Variants in TAFA1 observed in about 807,000 individuals in gnomAD.
TAFA1 encodes the protein TAFA chemokine like family member 1, also known as chemokine-like protein TAFA-1.
Under a neutral mutation model 18.5 loss-of-function variants are expected in TAFA1, and 4 were observed. The observed-to-expected ratio is 0.22, with a 90% confidence interval of 0.11 to 0.49. The LOEUF (loss-of-function observed/expected upper bound fraction) is 0.49. TAFA1 is among the 20% of genes least tolerant of loss of function. The pLI, the probability that TAFA1 is intolerant of heterozygous loss-of-function variation, is 0.98. For missense variants in TAFA1, 147 were observed against 169.0 expected (o/e 0.87, Z 0.72); for synonymous variants, 56 against 55.2 (o/e 1.01, Z -0.06).
intron 2 of TAFA1, among the ~76,000 whole-genome samples, chr3:68,192,001 T>C (rs1191245712): frequency 1.3e-5 from 2 of 151,824 alleles, no homozygotes; most frequent in Non-Finnish European, 2.9e-5. Flanking sequence ...TCTATATTCT[T>C]GGTTTATCTG....
At chr3:68,534,007 C>T (rs6768223) in intron 3 of TAFA1, among the ~76,000 whole-genome samples, 32,251 of 151,960 alleles carry the variant, frequency 0.21, 3,663 homozygotes, top group East Asian at 0.38. Flanking sequence ...GTGAAGAAAA[C>T]TAAAATATTT....
rs186847075 is a variant in TAFA1 at position 68,129,795 on chromosome 3, C to G, written c.118+123051C>G. Among the ~76,000 whole-genome samples, 767 of 152,270 alleles carry G rather than the reference C, an allele frequency of 5.0e-3. 6 individuals are homozygous for G. Among genetic ancestry groups the G allele is most frequent in the Non-Finnish European group, 8.9e-3 (606 of 68,018 alleles). On this transcript the variant is annotated intron_variant, in intron 2 of 4. Transcript: ENST00000478136. ...TTGACATACTGGGTTCCATGGGAAT[C>G]GTAACCACATGGCCTGAAAGAAAAA...
chr3:68,416,389 C>T (rs536530305), intron 2 of TAFA1, among the ~76,000 whole-genome samples: 1 of 152,310 alleles, frequency 6.6e-6, no homozygotes, highest in Admixed American at 6.5e-5. Context: ...TTTTTGCCAA[C>T]TGCATCCTAA....
chr3:68,183,036 G>T (rs1416582667), intron 2 of TAFA1, among the ~76,000 whole-genome samples: 1 of 152,132 alleles, frequency 6.6e-6, no homozygotes, highest in Non-Finnish European at 1.5e-5. Flanking sequence ...TATCCTATCA[G>T]AAAATTCTTG....
Position 68,325,681 on chromosome 3 carries a change from G to A in TAFA1, c.119-91599G>A, listed in dbSNP as rs549076614. On this transcript the variant is annotated intron_variant, in intron 2 of 4. Coordinates refer to ENST00000478136, the MANE Select transcript of TAFA1 (RefSeq NM_213609.4). ...CAAACTAGAAAATTCCCCTCTAGGA[G>A]CTGAAATGACTGTGGGCTTTGAGGT... Among the ~76,000 whole-genome samples the A allele has an allele frequency of 4.6e-5, 7 of 152,244 alleles. No individual in the cohort carries two copies. The South Asian group carries it at 1.2e-3, about 27-fold the overall frequency.
At chr3:68,067,179 G>C (rs1291984721) in intron 2 of TAFA1, among the ~76,000 whole-genome samples, 2 of 152,118 alleles carry the variant, frequency 1.3e-5, no homozygotes, top group Admixed American at 1.3e-4. Context: ...CTACTTCCTT[G>C]TGACATCTAC....
At chr3:68,286,819 G>A (rs1362742034) in intron 2 of TAFA1, among the ~76,000 whole-genome samples, 3 of 152,150 alleles carry the variant, frequency 2.0e-5, no homozygotes, top group Admixed American at 6.5e-5. Context: ...GAGAAAACCC[G>A]TACGGGAAAT....
At chr3:68,312,664 AT>A (rs2068540122) in intron 2 of TAFA1, among the ~76,000 whole-genome samples, 2 of 152,196 alleles carry the variant, frequency 1.3e-5, no homozygotes, top group African/African-American at 4.8e-5. Flanking sequence ...GGGAAAAGCC[AT>A]TCAGCAAGTC....
At chr3:68,530,289 A>G (rs992854868) in intron 3 of TAFA1, among the ~76,000 whole-genome samples, 4 of 152,230 alleles carry the variant, frequency 2.6e-5, no homozygotes, top group African/African-American at 9.6e-5. Context: ...TCATGAGTGA[A>G]CAACAACCAT....
At chr3:68,090,577 T>C (rs2065018561) in intron 2 of TAFA1, among the ~76,000 whole-genome samples, 1 of 152,202 alleles carries the variant, frequency 6.6e-6, no homozygotes, top group Non-Finnish European at 1.5e-5. Flanking sequence ...TGGTGGTGTT[T>C]TGTGCCTCTC....
At chr3:68,024,803 A>G (rs775118353) in intron 2 of TAFA1, among the ~76,000 whole-genome samples, 17 of 103,736 alleles carry the variant, frequency 1.6e-4, no homozygotes, top group Non-Finnish European at 2.6e-4. Flanking sequence ...CATCTCCTTA[A>G]TGCACACACA....
intron 2 of TAFA1, among the ~76,000 whole-genome samples, chr3:68,151,178 T>C (rs954812217): frequency 6.6e-6 from 1 of 152,150 alleles, no homozygotes; most frequent in African/African-American, 2.4e-5. Flanking sequence ...CTCCTTTGTA[T>C]AGCCATAACT....
At chr3:68,523,262 C>T (rs2073055834) in intron 3 of TAFA1, among the ~76,000 whole-genome samples, 2 of 152,166 alleles carry the variant, frequency 1.3e-5, no homozygotes, top group Admixed American at 1.3e-4. Flanking sequence ...TGTTGCTAGT[C>T]TTCCTATTTT....
chr3:68,219,274 T>C (rs1042126407), intron 2 of TAFA1, among the ~76,000 whole-genome samples: 1 of 152,172 alleles, frequency 6.6e-6, no homozygotes, highest in Non-Finnish European at 1.5e-5. Context: ...AAAAGTATTT[T>C]AATTTGACAA....
Position 68,380,635 on chromosome 3 carries a change from A to T in TAFA1, c.119-36645A>T, listed in dbSNP as rs576055975. ...AGGGTTGTTTGTTTTTTTCTTGTAA[A>T]TTTGTTTGAGTTCATTGTAGATTCT... On this transcript the variant is annotated intron_variant, in intron 2 of 4. Coordinates refer to ENST00000478136, the MANE Select transcript of TAFA1 (RefSeq NM_213609.4). 2.0e-3 allele frequency among the ~76,000 whole-genome samples: 299 copies of T among 152,048 alleles called. 5 individuals carry two copies. Among genetic ancestry groups the T allele is most frequent in the Non-Finnish European group, 1.7e-3 (115 of 67,970 alleles).
At chr3:68,084,796 TAA>T (rs764180966) in intron 2 of TAFA1, among the ~76,000 whole-genome samples, 9 of 122,394 alleles carry the variant, frequency 7.4e-5, no homozygotes, top group Admixed American at 2.5e-4. Context: ...AGACTCCGTC[TAA>T]AAAAAAAAAA....
At chr3:68,093,639 G>C (rs1349123444) in intron 2 of TAFA1, among the ~76,000 whole-genome samples, 4 of 152,020 alleles carry the variant, frequency 2.6e-5, no homozygotes, top group Non-Finnish European at 5.9e-5. Context: ...TTCTGCAGCT[G>C]CTCCAGGTCA....
At chr3:68,479,885 CACACACACACAA>C (rs1235116693) in intron 3 of TAFA1, among the ~76,000 whole-genome samples, 4 of 152,078 alleles carry the variant, frequency 2.6e-5, no homozygotes. Context: ...CGCATACACA[CACACACACACAA>C]ACACACACAT....
intron 2 of TAFA1, among the ~76,000 whole-genome samples, chr3:68,328,310 T>C (rs1267978999): frequency 6.6e-6 from 1 of 152,200 alleles, no homozygotes; most frequent in African/African-American, 2.4e-5. Context: ...ATAAAATTGC[T>C]TTTGATGTTG....
Sources: allele counts gnomAD v4.1 joint callset (sites outside exome capture counted in the v4.1 genomes callset), GRCh38; gene constraint gnomAD v4.1.1; transcripts MANE v1.5; gene names NCBI Gene and HGNC (gene_info 2026-07-23, HGNC 2026-07-21).